Variants in SLCO6A1 observed in about 807,000 individuals in gnomAD.
SLCO6A1 encodes the protein cancer/testis antigen 48.
A neutral mutation model predicts 72.7 loss-of-function variants in SLCO6A1; 65 were observed. The observed-to-expected ratio is 0.89, with a 90% CI of 0.73 to 1.10. The LOEUF (loss-of-function observed/expected upper bound fraction) is 1.10. Ranked by LOEUF, SLCO6A1 falls within the 50% of genes least tolerant of loss-of-function variation. The pLI is 0.00. For missense variants in SLCO6A1, 874 were observed against 872.6 expected (o/e 1.00, Z -0.02); for synonymous variants, 314 against 298.2 (o/e 1.05, Z -0.55).
At chr5:102,489,513 G>A (rs1752583180) in intron 1 of SLCO6A1, among the ~76,000 whole-genome samples, 2 of 151,936 alleles carry the variant, frequency 1.3e-5, no homozygotes, top group South Asian at 4.1e-4. Context: ...TTTTTTTAAT[G>A]CTCAACATCA....
rs972440833 is a variant in SLCO6A1, at chr5:102,469,806, A to G, written c.899+5891T>C. Among the ~76,000 whole-genome samples, 10 of 152,194 alleles carry G rather than the reference A, an allele frequency of 6.6e-5. No individual in the cohort carries two copies. The South Asian group carries it at 2.1e-3, about 32-fold the overall frequency. ...TATTGGCTGTGGGTTTGTCATAAAT[A>G]GTTCTTATTATTTTGAGATACATTC... On this transcript the variant is annotated intron_variant, in intron 4 of 13. Transcript: ENST00000506729.
chr5:102,378,955 GTT>G (rs1745962754), intron 12 of SLCO6A1, among the ~76,000 whole-genome samples: 1 of 151,632 alleles, frequency 6.6e-6, no homozygotes, highest in African/African-American at 2.4e-5. Flanking sequence ...TAATTTTTGT[GTT>G]TTTAGTAGAG....
chr5:102,403,466 GT>G (rs1208536009), intron 9 of SLCO6A1, among the ~76,000 whole-genome samples: 1 of 152,058 alleles, frequency 6.6e-6, no homozygotes, highest in African/African-American at 2.4e-5. Context: ...TAAAGTATTT[GT>G]TTTTATTTTC....
At chr5:102,476,946 A>G (rs1416216256) in intron 3 of SLCO6A1, among the ~76,000 whole-genome samples, 1 of 152,186 alleles carries the variant, frequency 6.6e-6, no homozygotes, top group East Asian at 1.9e-4. Flanking sequence ...AATATAAGAC[A>G]GTACAGGTTA....
intron 9 of SLCO6A1, among the ~76,000 whole-genome samples, chr5:102,404,370 C>T (rs1288684220): frequency 6.6e-6 from 1 of 152,134 alleles, no homozygotes; most frequent in Non-Finnish European, 1.5e-5. Context: ...TGACAGGCAC[C>T]TGTAGTCCCA....
chr5:102,403,983 T>C (rs976925852), intron 9 of SLCO6A1, among the ~76,000 whole-genome samples: 46 of 152,306 alleles, frequency 3.0e-4, no homozygotes, highest in African/African-American at 1.1e-3. Flanking sequence ...ACTAGTCATC[T>C]CTGAAAGGTT....
chr5:102,496,931 C>T (rs1334914662), intron 1 of SLCO6A1, among the ~76,000 whole-genome samples: 1 of 152,182 alleles, frequency 6.6e-6, no homozygotes, highest in Non-Finnish European at 1.5e-5. Context: ...AAAACTGTAC[C>T]TACTATAAAG....
chr5:102,391,012 C>A lies in SLCO6A1; in HGVS notation c.1848G>T (p.Leu616Phe). 6.2e-7 allele frequency: 1 copy of A among 1,613,576 alleles called. No homozygotes were observed. The highest frequency in any genetic ancestry group is 8.5e-7 in the Non-Finnish European group (1 of 1,179,636). Reference sequence around the variant, plus strand: ...TTCTCAAAATCACATAGCTTACACCCAAGGCCAGAGAACGCAGTTTGTCAG... The same window carrying A: ...TTCTCAAAATCACATAGCTTACACCAAAGGCCAGAGAACGCAGTTTGTCAG... ...VVPDKLRSLA[L>F]GVSYVILRIF... The change falls in exon 11 of 14, where the codon TTG becomes TTT. Residue 616 changes from leucine to phenylalanine, a missense_variant. Physicochemically the swap from Leu to Phe is conservative, Grantham distance 22. Transcript: ENST00000506729.
intron 7 of SLCO6A1, among the ~76,000 whole-genome samples, chr5:102,435,530 G>A (rs1436620740): frequency 6.6e-6 from 1 of 152,042 alleles, no homozygotes; most frequent in Non-Finnish European, 1.5e-5. Context: ...AAGGTAGCAG[G>A]GGTACTAAGA....
chr5:102,379,941 T>C (rs1031066051), intron 12 of SLCO6A1, among the ~76,000 whole-genome samples: 4 of 151,900 alleles, frequency 2.6e-5, no homozygotes. Flanking sequence ...GTGTAGACGT[T>C]TTGTACAACT....
chr5:102,445,446 G>C (rs1244635040), intron 6 of SLCO6A1, among the ~76,000 whole-genome samples: 1 of 152,048 alleles, frequency 6.6e-6, no homozygotes, highest in Non-Finnish European at 1.5e-5. Context: ...GGGTTGTTTT[G>C]CTTGCTGATT....
At chr5:102,373,215 A>G (rs1454292301) in intron 13 of SLCO6A1, 122 bp downstream of exon 13, 5 of 585,966 alleles carry the variant, frequency 8.5e-6, no homozygotes, top group Admixed American at 9.4e-5. Context: ...TGCACTCAAA[A>G]TATAATAAAA....
chr5:102,384,139 T>C (rs1467351034), intron 12 of SLCO6A1, among the ~76,000 whole-genome samples: 2 of 151,902 alleles, frequency 1.3e-5, no homozygotes, highest in Non-Finnish European at 2.9e-5. Context: ...CTCTTTATTT[T>C]GTTATTTTTT....
intron 6 of SLCO6A1, among the ~76,000 whole-genome samples, chr5:102,457,858 T>A (rs1750812415): frequency 1.3e-5 from 2 of 152,084 alleles, no homozygotes; most frequent in South Asian, 2.1e-4. Flanking sequence ...AACCAAAATG[T>A]CCAACAATGA....
intron 7 of SLCO6A1, among the ~76,000 whole-genome samples, chr5:102,427,860 ATATATTTTTTTT>A (rs1294619178): frequency 3.0e-5 from 3 of 99,476 alleles, no homozygotes; most frequent in African/African-American, 6.1e-5. Context: ...ATATATATAT[ATATATTTTTTTT>A]TTTTTTTTTT....
chr5:102,378,131 T>C (rs1257852737), intron 12 of SLCO6A1, among the ~76,000 whole-genome samples: 1 of 152,028 alleles, frequency 6.6e-6, no homozygotes. Flanking sequence ...CCCTGGCTCA[T>C]AGTGATTTGC....
intron 4 of SLCO6A1, among the ~76,000 whole-genome samples, chr5:102,463,723 C>A (rs942392620): frequency 7.2e-5 from 11 of 151,848 alleles, no homozygotes; most frequent in African/African-American, 2.7e-4. Flanking sequence ...CCCATCTCTA[C>A]TGAAAACACA....
At chr5:102,421,871 G>C (rs1000262067) in intron 7 of SLCO6A1, among the ~76,000 whole-genome samples, 3 of 152,192 alleles carry the variant, frequency 2.0e-5, no homozygotes, top group South Asian at 4.1e-4. Context: ...ATACAGGAGA[G>C]CTCCGGCTGG....
chr5:102,435,365 T>C (rs1281372754), intron 7 of SLCO6A1, among the ~76,000 whole-genome samples: 1 of 152,178 alleles, frequency 6.6e-6, no homozygotes, highest in Non-Finnish European at 1.5e-5. Context: ...ATTTATATTC[T>C]ATAATATTAT....
Sources: allele counts gnomAD v4.1 joint callset (sites outside exome capture counted in the v4.1 genomes callset), GRCh38; gene constraint gnomAD v4.1.1; transcripts MANE v1.5; gene names NCBI Gene and HGNC (gene_info 2026-07-23, HGNC 2026-07-21).